The following NCOA3 variants were observed in gnomAD, a reference collection of about 807,000 sequenced individuals.
NCOA3 encodes nuclear receptor coactivator 3.
In NCOA3, 51 loss-of-function variants were observed where a neutral mutation model predicts 158.8. The observed-to-expected ratio is 0.32, with a 90% CI of 0.26 to 0.41. The LOEUF (loss-of-function observed/expected upper bound fraction) is 0.41, where lower values mean the gene tolerates loss of function less well. Ranked by LOEUF, NCOA3 falls within the 10% of genes least tolerant of loss-of-function variation. The probability of loss-of-function intolerance (pLI) is 1.00; values close to 1 mark genes in which losing one functional copy is unlikely to be tolerated. For synonymous variants in NCOA3, 537 were observed against 592.4 expected, an observed-to-expected ratio of 0.91 and a Z score of 1.36; for missense variants, 1,510 against 1,746.6, an observed-to-expected ratio of 0.86 and a Z score of 2.41.
intron 2 of NCOA3, among the ~76,000 whole-genome samples, chr20:47,591,612 C>G (rs984280193): frequency 1.3e-5 from 2 of 152,130 alleles, no homozygotes; most frequent in Non-Finnish European, 2.9e-5. Context: ...ATTGTCTCAA[C>G]TTTTATTTAT....
At chr20:47,609,325 T>C (rs906560354) in intron 2 of NCOA3, among the ~76,000 whole-genome samples, 2 of 152,144 alleles carry the variant, frequency 1.3e-5, no homozygotes, top group East Asian at 3.8e-4. Flanking sequence ...AGATACTTGG[T>C]GAAGTAGGTT....
At chr20:47,570,051 A>G (rs1247859462) in intron 1 of NCOA3, among the ~76,000 whole-genome samples, 2 of 152,148 alleles carry the variant, frequency 1.3e-5, no homozygotes, top group African/African-American at 2.4e-5. Context: ...TCCTTTAAGA[A>G]CTATGTTTAT....
rs150167605 is a variant in NCOA3 at position 47,646,768 on chromosome 20, A to G, written c.3253-305A>G. 4.0e-3 allele frequency among the ~76,000 whole-genome samples: 613 copies of G among 152,310 alleles called. 7 individuals are homozygous for G. Among genetic ancestry groups the G allele is most frequent in the African/African-American group, 0.014 (581 of 41,568 alleles). On this transcript the variant is annotated intron_variant, in intron 17 of 22. Coordinates refer to ENST00000371998, the MANE Select transcript of NCOA3 (RefSeq NM_181659.3). ...GAGACATGTCAAGCATGCTGGCTGC[A>G]TGCTTGGCATTCAGTGCCTGTGGAT...
At chr20:47,530,784 G>C (rs1260353437) in intron 1 of NCOA3, among the ~76,000 whole-genome samples, 3 of 151,978 alleles carry the variant, frequency 2.0e-5, no homozygotes, top group African/African-American at 2.4e-5. Context: ...AACTATTTTA[G>C]GTTCCTGTTA....
chr20:47,621,562 C>G (rs1193724667), intron 2 of NCOA3, among the ~76,000 whole-genome samples: 1 of 151,366 alleles, frequency 6.6e-6, no homozygotes. Flanking sequence ...TAGTAGATGT[C>G]TTAAATCATC....
intron 1 of NCOA3, among the ~76,000 whole-genome samples, chr20:47,543,667 G>T (rs542745193): frequency 1.0e-3 from 155 of 152,038 alleles, no homozygotes; most frequent in Middle Eastern, 6.8e-3. Flanking sequence ...GCACCACCAC[G>T]CCTGGCTCAG....
intron 1 of NCOA3, among the ~76,000 whole-genome samples, chr20:47,574,640 T>C (rs2085344472): frequency 6.6e-6 from 1 of 152,212 alleles, no homozygotes; most frequent in Admixed American, 6.5e-5. Context: ...GTGTTTTAAG[T>C]TTCTACCTTA....
Position 47,627,188 on chromosome 20 carries a change from A to T in NCOA3, c.532+12A>T. 1 of 1,572,472 alleles carries T rather than the reference A, an allele frequency of 6.4e-7. No homozygotes were observed. The highest frequency in any genetic ancestry group is 8.6e-7 in the Non-Finnish European group (1 of 1,157,846). Reference sequence around the variant, plus strand: ...ACCAAAATCTACAGGTAGGCTTTTAATGTGTATTTTCTAAATAGGTTAAAT... The same window carrying T: ...ACCAAAATCTACAGGTAGGCTTTTATTGTGTATTTTCTAAATAGGTTAAAT... On this transcript the variant is annotated intron_variant, in intron 6 of 22. Transcript: ENST00000371998.
chr20:47,508,449 C>A (rs2084062743), intron 1 of NCOA3, among the ~76,000 whole-genome samples: 2 of 152,170 alleles, frequency 1.3e-5, no homozygotes, highest in Admixed American at 1.3e-4. Flanking sequence ...AGGAAGCCTG[C>A]AGTTGTATTG....
rs2086579419 is a variant in NCOA3 at position 47,640,070 on chromosome 20, ACT to A, written c.3080+22_3080+23del. The A allele has an allele frequency of 6.2e-7, 1 of 1,613,870 alleles. No homozygotes were observed. The highest frequency in any genetic ancestry group is 8.5e-7 in the Non-Finnish European group (1 of 1,179,928). On this transcript the variant is annotated intron_variant, in intron 16 of 22. Coordinates refer to ENST00000371998, the MANE Select transcript of NCOA3 (RefSeq NM_181659.3). Reference sequence around the variant, plus strand: ...AAAATAGGTGGGGTGTTATTTTGTGACTCTGTAGAAAATCTCAGCATTGGGTA... The same window carrying A: ...AAAATAGGTGGGGTGTTATTTTGTGACTGTAGAAAATCTCAGCATTGGGTA...
At chr20:47,598,237 ACT>A (rs2085796157) in intron 2 of NCOA3, among the ~76,000 whole-genome samples, 1 of 112,462 alleles carries the variant, frequency 8.9e-6, no homozygotes. Flanking sequence ...ATAGGGCGAG[ACT>A]CTGTCTCAAA....
At chr20:47,638,375 A>G (rs921876538) in intron 13 of NCOA3, among the ~76,000 whole-genome samples, 1 of 152,170 alleles carries the variant, frequency 6.6e-6, no homozygotes, top group Non-Finnish European at 1.5e-5. Flanking sequence ...GCGCCACTGC[A>G]CTCCAGCCTG....
In NCOA3 at chr20:47,623,983, A is replaced by T. The variant is rs1192850055; in HGVS notation, c.156A>T (p.Ile52=). 1 of 1,612,824 alleles carries T rather than the reference A, an allele frequency of 6.2e-7. No homozygotes were observed. The highest frequency in any genetic ancestry group is 8.5e-7 in the Non-Finnish European group (1 of 1,179,312). The change falls in exon 4 of 23, where the codon ATA becomes ATT. Residue 52 remains isoleucine (I), a synonymous_variant. Coordinates refer to ENST00000371998, the MANE Select transcript of NCOA3 (RefSeq NM_181659.3). ...ATATTGAAGAATTGGCTGAGCTGAT[A>T]TCTGCCAATCTTAGTGATATTGACA... is the stretch of plus-strand genomic sequence containing the variant. ...SKYIEELAEL[I]SANLSDIDNF... is the part of the protein sequence containing the mutation.
chr20:47,625,524 T>C, intron 5 of NCOA3, 43 bp downstream of exon 5: 1 of 1,290,394 alleles, frequency 7.7e-7, no homozygotes, highest in Non-Finnish European at 1.1e-6. Context: ...TGTATTGCCC[T>C]TTGGTTTATT....
At chr20:47,507,384 G>A (rs1007111763) in intron 1 of NCOA3, among the ~76,000 whole-genome samples, 1 of 152,124 alleles carries the variant, frequency 6.6e-6, no homozygotes, top group African/African-American at 2.4e-5. Context: ...CTGGGCAGTG[G>A]CAGAGCATGT....
At chr20:47,586,024 A>G (rs2146227771) in intron 2 of NCOA3, among the ~76,000 whole-genome samples, 1 of 149,668 alleles carries the variant, frequency 6.7e-6, no homozygotes, top group East Asian at 2.0e-4. Context: ...GGGTCAAGTG[A>G]TTCTCCTGCC....
chr20:47,603,566 C>G (rs764792163), intron 2 of NCOA3, among the ~76,000 whole-genome samples: 1 of 152,170 alleles, frequency 6.6e-6, no homozygotes, highest in African/African-American at 2.4e-5. Context: ...TGTCCAGCAT[C>G]GAGGAAGAAT....
At chr20:47,590,116 T>A (rs2085604681) in intron 2 of NCOA3, among the ~76,000 whole-genome samples, 1 of 152,038 alleles carries the variant, frequency 6.6e-6, no homozygotes, top group Non-Finnish European at 1.5e-5. Context: ...CCTACTATCT[T>A]TGTTATAGTG....
intron 1 of NCOA3, among the ~76,000 whole-genome samples, chr20:47,556,798 G>T (rs1395578604): frequency 1.3e-5 from 2 of 152,220 alleles, no homozygotes; most frequent in Non-Finnish European, 2.9e-5. Context: ...AGTCTCAAAA[G>T]ATGGTGGACA....
Sources: allele counts gnomAD v4.1 joint callset (sites outside exome capture counted in the v4.1 genomes callset), GRCh38; gene constraint gnomAD v4.1.1; transcripts MANE v1.5; gene names NCBI Gene and HGNC (gene_info 2026-07-23, HGNC 2026-07-21).